Variants in AKT3 observed in about 807,000 individuals in gnomAD.
The protein encoded by AKT3 is AKT serine/threonine kinase 3.
In AKT3, 15 loss-of-function variants were observed where a neutral mutation model predicts 65.3. The ratio of observed to expected loss-of-function variants is 0.23; its 90% CI spans 0.15 to 0.35. The LOEUF is 0.35. Among genes scored for constraint, AKT3 ranks in the 10% least tolerant of loss-of-function variants. The pLI is 1.00. For synonymous variants in AKT3, 206 were observed against 183.8 expected (o/e 1.12, Z -0.98); for missense variants, 243 against 576.5 (o/e 0.42, Z 5.92).
intron 10 of AKT3, among the ~76,000 whole-genome samples, chr1:243,562,176 A>C (rs560069925): frequency 5.8e-4 from 89 of 152,340 alleles, no homozygotes; most frequent in African/African-American, 2.1e-3. Context: ...TAACATGCTA[A>C]AACAGGGAGG....
Position 243,572,971 on chromosome 1 carries a change from G to C in AKT3, c.774C>G (p.Ala258=), listed in dbSNP as rs1463249153. ...TRFYGAEIVS[A]LDYLHSGKIV... is the part of the protein sequence containing the mutation. ...TCTTTCCGGAATGTAGATAGTCCAAGGCAGAGACAATTTCTGCACCATAGA... is the reference window on the plus strand; with the variant it reads ...TCTTTCCGGAATGTAGATAGTCCAACGCAGAGACAATTTCTGCACCATAGA... Residue 258 remains alanine, a synonymous_variant, in exon 9 of 14, where the codon GCC becomes GCG. Transcript: ENST00000673466. The C allele has an allele frequency of 6.2e-7, 1 of 1,612,808 alleles. No homozygotes were observed. Among genetic ancestry groups the C allele is most frequent in the South Asian group, 1.1e-5 (1 of 91,024 alleles).
intron 1 of AKT3, among the ~76,000 whole-genome samples, chr1:243,846,319 T>C (rs1695520130): frequency 6.6e-6 from 1 of 152,146 alleles, no homozygotes; most frequent in African/African-American, 2.4e-5. Flanking sequence ...TCTCCCTAAT[T>C]ATAAATTTTT....
chr1:243,750,834 G>A (rs550541884), intron 2 of AKT3, among the ~76,000 whole-genome samples: 2 of 151,772 alleles, frequency 1.3e-5, no homozygotes, highest in South Asian at 4.2e-4. Context: ...TGCCCGCCTC[G>A]GCCTCCCAAA....
chr1:243,776,893 TCAAA>T lies in AKT3; in HGVS notation c.46+66228_46+66231del, dbSNP rs530752984. Among the ~76,000 whole-genome samples, 4 of 152,288 alleles carry T rather than the reference TCAAA, an allele frequency of 2.6e-5. No homozygotes were observed. In the South Asian group the frequency reaches 8.3e-4, roughly 32 times the overall value. On this transcript the variant is annotated intron_variant, in intron 2 of 13. Coordinates refer to ENST00000673466, the MANE Select transcript of AKT3 (RefSeq NM_005465.7). ...ATCTAATAATAATCAAGTAGTATAG[TCAAA>T]CACATGAACTGACAAAGAATGACTT...
intron 2 of AKT3, among the ~76,000 whole-genome samples, chr1:243,832,995 C>T (rs965991092): frequency 6.6e-6 from 1 of 152,140 alleles, no homozygotes; most frequent in Non-Finnish European, 1.5e-5. Flanking sequence ...CGCAGTGGCT[C>T]ACACCTGTAA....
chr1:243,648,287 G>C (rs1318799854), intron 4 of AKT3, among the ~76,000 whole-genome samples: 1 of 150,620 alleles, frequency 6.6e-6, no homozygotes, highest in African/African-American at 2.4e-5. Flanking sequence ...AAAAGAAAAA[G>C]AAAATAAAAC....
chr1:243,748,415 C>T (rs1688608008), intron 2 of AKT3, among the ~76,000 whole-genome samples: 1 of 151,888 alleles, frequency 6.6e-6, no homozygotes, highest in African/African-American at 2.4e-5. Flanking sequence ...GAAGGCCACA[C>T]AGTGTAAAAC....
intron 2 of AKT3, among the ~76,000 whole-genome samples, chr1:243,741,604 C>T (rs893781147): frequency 6.6e-6 from 1 of 152,128 alleles, no homozygotes; most frequent in East Asian, 1.9e-4. Flanking sequence ...ATTTTCATAA[C>T]ATGCTTTTTA....
intron 4 of AKT3, among the ~76,000 whole-genome samples, chr1:243,661,159 T>C (rs1682291763): frequency 6.6e-6 from 1 of 152,076 alleles, no homozygotes; most frequent in Non-Finnish European, 1.5e-5. Flanking sequence ...TTCAATGCCA[T>C]CCCCATCAAG....
chr1:243,513,303 A>G (rs1487894847), intron 12 of AKT3, among the ~76,000 whole-genome samples: 1 of 152,208 alleles, frequency 6.6e-6, no homozygotes, highest in African/African-American at 2.4e-5. Context: ...CAGGATGCCC[A>G]GTCCCAGAGC....
chr1:243,638,993 G>A (rs1172064412), intron 5 of AKT3, among the ~76,000 whole-genome samples: 3 of 151,990 alleles, frequency 2.0e-5, no homozygotes. Flanking sequence ...TGGCCAGGTT[G>A]GTCAGAAAAA....
At chr1:243,549,222 C>T (rs909172123) in intron 11 of AKT3, among the ~76,000 whole-genome samples, 1 of 152,152 alleles carries the variant, frequency 6.6e-6, no homozygotes, top group African/African-American at 2.4e-5. Context: ...AAACTTCAGA[C>T]TCAGTGTACC....
chr1:243,835,737 T>C (rs1302643093), intron 2 of AKT3, among the ~76,000 whole-genome samples: 1 of 152,128 alleles, frequency 6.6e-6, no homozygotes, highest in Non-Finnish European at 1.5e-5. Context: ...GAATTACCAC[T>C]CCTGTTGAGA....
chr1:243,818,428 A>G (rs1362218131), intron 2 of AKT3, among the ~76,000 whole-genome samples: 1 of 152,180 alleles, frequency 6.6e-6, no homozygotes, highest in African/African-American at 2.4e-5. Context: ...TTTCTGGCAC[A>G]TATTTCGCTA....
intron 2 of AKT3, among the ~76,000 whole-genome samples, chr1:243,709,898 T>C (rs1339828690): frequency 6.6e-6 from 1 of 151,928 alleles, no homozygotes; most frequent in Non-Finnish European, 1.5e-5. Flanking sequence ...TAGACAAACT[T>C]CACGATTTAT....
At chr1:243,589,325 GAA>G (rs1296078540) in intron 8 of AKT3, among the ~76,000 whole-genome samples, 2 of 118,102 alleles carry the variant, frequency 1.7e-5, no homozygotes, top group African/African-American at 3.3e-5. Flanking sequence ...AAAAAAAAAA[GAA>G]AAAAAAAGAA....
At chr1:243,726,003 G>T (rs757116982) in intron 2 of AKT3, among the ~76,000 whole-genome samples, 10 of 152,138 alleles carry the variant, frequency 6.6e-5, no homozygotes, top group Non-Finnish European at 1.5e-4. Context: ...TTCTCATAAA[G>T]GCCTAGTGCA....
At chr1:243,729,885 T>C (rs1437783627) in intron 2 of AKT3, among the ~76,000 whole-genome samples, 1 of 152,240 alleles carries the variant, frequency 6.6e-6, no homozygotes, top group Non-Finnish European at 1.5e-5. Flanking sequence ...TTTACTTTCA[T>C]CTTGCCTGTA....
chr1:243,786,697 G>A (rs1007773158), intron 2 of AKT3, among the ~76,000 whole-genome samples: 10 of 152,198 alleles, frequency 6.6e-5, no homozygotes, highest in East Asian at 5.8e-4. Flanking sequence ...GGGGGGGTGC[G>A]CGGTGGAGAT....
Sources: gnomAD v4.1 joint callset for allele counts (sites outside exome capture counted in the v4.1 genomes callset) on GRCh38, gnomAD v4.1.1 for gene constraint, MANE v1.5 for transcripts, NCBI Gene and HGNC (gene_info 2026-07-23, HGNC 2026-07-21) for gene names.